Variants in TRIO observed in about 807,000 individuals in gnomAD.
TRIO encodes trio Rho guanine nucleotide exchange factor, also known as triple functional domain protein.
Under a neutral mutation model 351.9 loss-of-function variants are expected in TRIO, and 58 were observed. The observed-to-expected ratio is 0.16, with a 90% CI of 0.13 to 0.21. TRIO has a LOEUF of 0.21. Among genes scored for constraint, TRIO ranks in the 10% least tolerant of loss-of-function variants. The pLI is 1.00. For missense variants in TRIO, 3,201 were observed against 4,027.8 expected, an observed-to-expected ratio of 0.79 and a Z score of 5.56; for synonymous variants, 1,758 against 1,595.7, an observed-to-expected ratio of 1.10 and a Z score of -2.42.
chr5:14,409,852 AAG>A (rs1248121077), intron 33 of TRIO, among the ~76,000 whole-genome samples: 2 of 150,472 alleles, frequency 1.3e-5, no homozygotes, highest in Non-Finnish European at 3.0e-5. Context: ...AAAAAAAAAA[AAG>A]AAATCCCTGA....
intron 12 of TRIO, among the ~76,000 whole-genome samples, 165 bp downstream of exon 12, chr5:14,358,512 CT>C (rs1743842828): frequency 6.9e-6 from 1 of 145,886 alleles, no homozygotes; most frequent in Non-Finnish European, 1.5e-5. Context: ...TCTCTTCTCT[CT>C]TTTCCTTTCC....
rs760964357 is a variant in TRIO at position 14,406,268 on chromosome 5, A to T, written c.4859+278A>T. ...TACAGGGCACATGTCTAACTCATGC[A>T]CATGACCTTGGATAAGTTATAAAGC... On this transcript the variant is annotated intron_variant, in intron 32 of 56. Transcript: ENST00000344204. The T allele has an allele frequency of 7.1e-6, 4 of 566,732 alleles. No individual in the cohort carries two copies. The East Asian group carries it at 1.2e-4, about 17-fold the overall frequency. The allele number at this position is 566,732 out of a possible 1,614,324, so 35.1% of individuals were successfully genotyped here.
chr5:14,308,239 G>A (rs893217404), intron 8 of TRIO, among the ~76,000 whole-genome samples: 2 of 151,594 alleles, frequency 1.3e-5, no homozygotes, highest in South Asian at 2.1e-4. Context: ...CCATCCATCC[G>A]TCTATCTCTG....
intron 31 of TRIO, among the ~76,000 whole-genome samples, chr5:14,402,371 G>A (rs532625085): frequency 3.9e-5 from 6 of 152,194 alleles, no homozygotes; most frequent in African/African-American, 1.4e-4. Context: ...GTCAGGCTTC[G>A]CCAGGTACAA....
intron 9 of TRIO, among the ~76,000 whole-genome samples, chr5:14,323,698 G>A (rs1561340673): frequency 6.6e-6 from 1 of 152,198 alleles, no homozygotes; most frequent in Non-Finnish European, 1.5e-5. Context: ...GGCCTCCGTG[G>A]GAGAGGGAAA....
intron 34 of TRIO, among the ~76,000 whole-genome samples, chr5:14,459,236 G>A (rs1753595039): frequency 6.6e-6 from 1 of 152,220 alleles, no homozygotes. Context: ...GTGGGAAACC[G>A]CTGCCAACTC....
chr5:14,500,218 TTC>T (rs1203554327), intron 53 of TRIO, among the ~76,000 whole-genome samples: 1 of 152,192 alleles, frequency 6.6e-6, no homozygotes, highest in African/African-American at 2.4e-5. Context: ...TTCCAAATTG[TTC>T]TCTGAGAGAA....
At chr5:14,239,902 C>T (rs1230548166) in intron 1 of TRIO, among the ~76,000 whole-genome samples, 1 of 152,084 alleles carries the variant, frequency 6.6e-6, no homozygotes, top group Non-Finnish European at 1.5e-5. Flanking sequence ...ATGCTTTTCA[C>T]GGGAGGGAAC....
At chr5:14,233,564 C>G (rs923141994) in intron 1 of TRIO, among the ~76,000 whole-genome samples, 4 of 151,986 alleles carry the variant, frequency 2.6e-5, no homozygotes. Flanking sequence ...TTTCTTCCTT[C>G]TCTTATTATT....
intron 40 of TRIO, among the ~76,000 whole-genome samples, chr5:14,474,757 G>T (rs931597855): frequency 5.9e-5 from 9 of 152,178 alleles, no homozygotes; most frequent in African/African-American, 2.2e-4. Context: ...TGAACTCCTG[G>T]GTTCAAGTAA....
chr5:14,414,655 C>T (rs545520668), intron 33 of TRIO, among the ~76,000 whole-genome samples: 15 of 152,036 alleles, frequency 9.9e-5, no homozygotes, highest in South Asian at 2.1e-4. Flanking sequence ...TAAAGTTTAC[C>T]GTCTTCACCA....
chr5:14,201,358 C>T (rs767590294), intron 1 of TRIO, among the ~76,000 whole-genome samples: 4 of 151,926 alleles, frequency 2.6e-5, no homozygotes, highest in Non-Finnish European at 4.4e-5. Flanking sequence ...ATATAAAGTA[C>T]GACATGAGTT....
chr5:14,194,701 G>A (rs139519805), intron 1 of TRIO, among the ~76,000 whole-genome samples: 25 of 152,300 alleles, frequency 1.6e-4, no homozygotes, highest in Non-Finnish European at 2.9e-4. Context: ...GAGGAATAGT[G>A]TATAGCCTTT....
chr5:14,341,147 T>C (rs1741905992), intron 11 of TRIO, among the ~76,000 whole-genome samples: 1 of 152,228 alleles, frequency 6.6e-6, no homozygotes, highest in South Asian at 2.1e-4. Context: ...CCCCCTGCAG[T>C]ATGCATTCCC....
In TRIO at chr5:14,497,118, C is replaced by T. The variant is rs1756953333; in HGVS notation, c.8019+101C>T. The T allele has an allele frequency of 2.7e-6, 4 of 1,499,206 alleles. No individual in the cohort carries two copies. Among genetic ancestry groups the T allele is most frequent in the Non-Finnish European group, 3.6e-6 (4 of 1,117,864 alleles). 92.9% of individuals were successfully genotyped at this position (1,499,206 alleles called of 1,614,324 possible). ...GACCTGAAGCTGGGCTTGCTTATGA[C>T]CTCCCTCCCACCCACCAGCCCCGTG... On this transcript the variant is annotated intron_variant, in intron 50 of 56. Coordinates refer to ENST00000344204, the MANE Select transcript of TRIO (RefSeq NM_007118.4). The surrounding 1 kb of genome is among the most constrained non-coding windows in gnomAD (Gnocchi z 4.4).
rs1356246454 is a variant in TRIO, at chr5:14,341,892, T to A, written c.2046+5165T>A. Among the ~76,000 whole-genome samples, 4 of 152,272 alleles carry A rather than the reference T, an allele frequency of 2.6e-5. No individual in the cohort carries two copies. The South Asian group carries it at 6.2e-4, about 24-fold the overall frequency. On this transcript the variant is annotated intron_variant, in intron 11 of 56. Coordinates refer to ENST00000344204, the MANE Select transcript of TRIO (RefSeq NM_007118.4). ...AGTAAAGGAAGCCTCTTGGTTCTAG[T>A]TCTGCAAACTTACACACTGAACTGG...
chr5:14,493,302 A>G (rs1198610601), intron 49 of TRIO, among the ~76,000 whole-genome samples: 2 of 151,648 alleles, frequency 1.3e-5, no homozygotes, highest in African/African-American at 2.4e-5. Flanking sequence ...CTTTGAAGAC[A>G]TTGCCTTTTT....
chr5:14,445,849 T>C (rs1429990741), intron 34 of TRIO, among the ~76,000 whole-genome samples: 1 of 152,192 alleles, frequency 6.6e-6, no homozygotes, highest in East Asian at 1.9e-4. Context: ...TATTATGACA[T>C]AGGAACTGAA....
intron 11 of TRIO, among the ~76,000 whole-genome samples, chr5:14,337,892 ATCCTTTCT>A (rs1741572698): frequency 1.3e-5 from 2 of 152,202 alleles, no homozygotes; most frequent in South Asian, 4.2e-4. Context: ...GGCTCTCTCG[ATCCTTTCT>A]GCCAAGGGGC....
Sources: gnomAD v4.1 joint callset for allele counts (sites outside exome capture counted in the v4.1 genomes callset) on GRCh38, gnomAD v4.1.1 for gene constraint, Gnocchi (gnomAD v3.1) non-coding constraint, MANE v1.5 for transcripts, NCBI Gene and HGNC (gene_info 2026-07-23, HGNC 2026-07-21) for gene names.